SLC5A12: variants seen among roughly 807,000 people sequenced by gnomAD.
SLC5A12 encodes the protein sodium-coupled monocarboxylate transporter 2.
In SLC5A12, 46 loss-of-function variants were observed where a neutral mutation model predicts 72.7. That is an observed-to-expected ratio of 0.63 (90% CI 0.50 to 0.81). The LOEUF (loss-of-function observed/expected upper bound fraction) is 0.81. SLC5A12 is among the 30% of genes least tolerant of loss of function. The probability of loss-of-function intolerance (pLI) is 0.00; values close to 1 mark genes in which losing one functional copy is unlikely to be tolerated. For missense variants in SLC5A12, 683 were observed against 740.7 expected (o/e 0.92, Z 0.90); for synonymous variants, 275 against 264.4 (o/e 1.04, Z -0.39).
intron 1 of SLC5A12, among the ~76,000 whole-genome samples, chr11:26,715,125 A>G (rs1210169727): frequency 6.6e-6 from 1 of 152,080 alleles, no homozygotes; most frequent in Non-Finnish European, 1.5e-5. Context: ...CTGAAAGTGG[A>G]TGTTGTATGG....
At chr11:26,695,810 T>A (rs962037239) in intron 8 of SLC5A12, among the ~76,000 whole-genome samples, 1 of 152,164 alleles carries the variant, frequency 6.6e-6, no homozygotes, top group Admixed American at 6.5e-5. Context: ...AGGCTTGTTG[T>A]GATCTGATCC....
chr11:26,716,341 T>A (rs1855349542), intron 1 of SLC5A12: 1 of 152,220 alleles, frequency 6.6e-6, no homozygotes, highest in South Asian at 2.1e-4. Flanking sequence ...TGATCTGTGC[T>A]TCAGGATTCT....
At chr11:26,700,631 A>C (rs1309804013) in intron 6 of SLC5A12, among the ~76,000 whole-genome samples, 1 of 152,098 alleles carries the variant, frequency 6.6e-6, no homozygotes, top group African/African-American at 2.4e-5. Flanking sequence ...CGTAACTGGG[A>C]GATGGGACGT....
At chr11:26,707,717 A>T (rs2133204314) in intron 4 of SLC5A12, among the ~76,000 whole-genome samples, 1 of 152,106 alleles carries the variant, frequency 6.6e-6, no homozygotes, top group Admixed American at 6.6e-5. Context: ...TTAATACCAA[A>T]ATATTTTGTT....
chr11:26,686,757 T>C (rs935474160), intron 9 of SLC5A12, among the ~76,000 whole-genome samples: 4 of 152,154 alleles, frequency 2.6e-5, no homozygotes, highest in Admixed American at 2.0e-4. Flanking sequence ...TGCTTCCTCA[T>C]CAGGCGGAAT....
At chr11:26,684,691 T>C (rs188450390) in intron 10 of SLC5A12, among the ~76,000 whole-genome samples, 3 of 152,256 alleles carry the variant, frequency 2.0e-5, no homozygotes, top group African/African-American at 7.2e-5. Flanking sequence ...ACTACAAGAA[T>C]TGTTTTCCAC....
chr11:26,673,745 G>C (rs1185768118), intron 13 of SLC5A12, among the ~76,000 whole-genome samples: 1 of 152,146 alleles, frequency 6.6e-6, no homozygotes, highest in Non-Finnish European at 1.5e-5. Context: ...ACTCATGACT[G>C]TAGAGTTAAA....
intron 6 of SLC5A12, among the ~76,000 whole-genome samples, chr11:26,702,558 AT>A (rs1285183380): frequency 6.6e-6 from 1 of 152,136 alleles, no homozygotes; most frequent in Non-Finnish European, 1.5e-5. Flanking sequence ...GTTCTGGCTT[AT>A]TTCTGCCAGT....
intron 9 of SLC5A12, chr11:26,692,173 G>C (rs1854694402): frequency 5.1e-6 from 1 of 194,190 alleles, no homozygotes; most frequent in African/African-American, 2.3e-5. Context: ...TTACGAATTT[G>C]TGTTGGGCTG....
intron 8 of SLC5A12, among the ~76,000 whole-genome samples, chr11:26,692,997 T>G (rs565349629): frequency 2.6e-5 from 4 of 152,316 alleles, no homozygotes; most frequent in Non-Finnish European, 5.9e-5. Flanking sequence ...AGCCTGCCAC[T>G]CATTAATTAT....
At chr11:26,699,273 C>G (rs1854902062) in intron 6 of SLC5A12, among the ~76,000 whole-genome samples, 1 of 152,196 alleles carries the variant, frequency 6.6e-6, no homozygotes, top group Admixed American at 6.5e-5. Flanking sequence ...TAAACAACCT[C>G]ACTGTGGAGA....
At chr11:26,711,253 G>C (rs922529869) in intron 3 of SLC5A12, 54 bp downstream of exon 3, 31 of 1,396,936 alleles carry the variant, frequency 2.2e-5, no homozygotes, top group Non-Finnish European at 3.1e-5. Flanking sequence ...TCTGCAAGGT[G>C]AGAATTCAGG....
chr11:26,684,436 G>A (rs1854481541), intron 10 of SLC5A12, among the ~76,000 whole-genome samples: 1 of 152,080 alleles, frequency 6.6e-6, no homozygotes, highest in South Asian at 2.1e-4. Context: ...TGATTACATA[G>A]GAGAGTCAAT....
intron 13 of SLC5A12, among the ~76,000 whole-genome samples, 188 bp from the exon 14 acceptor site, chr11:26,673,717 A>G (rs1454890526): frequency 6.6e-6 from 1 of 152,182 alleles, no homozygotes; most frequent in Non-Finnish European, 1.5e-5. Context: ...AACATCAACA[A>G]ATTGTCAGGT....
In SLC5A12 at chr11:26,667,478, T is replaced by C. The variant is rs1854024466; in HGVS notation, c.*3624A>G. On this transcript the variant is annotated 3_prime_UTR_variant, in exon 15 of 15. Transcript: ENST00000396005. Reference sequence around the variant, plus strand: ...GGTGTAACCCTATAAAGCCACAAAATAGTAAAGTTCATTTTTAGCAAATAC... The same window carrying C: ...GGTGTAACCCTATAAAGCCACAAAACAGTAAAGTTCATTTTTAGCAAATAC... The C allele has an allele frequency of 6.6e-6, 1 of 151,950 alleles. No homozygotes were observed. Among genetic ancestry groups the C allele is most frequent in the South Asian group, 2.1e-4 (1 of 4,826 alleles). 9.4% of individuals were successfully genotyped at this position (151,950 alleles called of 1,614,324 possible).
intron 1 of SLC5A12, among the ~76,000 whole-genome samples, chr11:26,719,189 T>C (rs1855421823): frequency 6.6e-6 from 1 of 152,322 alleles, no homozygotes; most frequent in East Asian, 1.9e-4. Context: ...TAAGACAGTG[T>C]TTTTATTTCA....
chr11:26,686,641 C>T, intron 9 of SLC5A12, 97 bp from the exon 10 acceptor site: 1 of 1,094,594 alleles, frequency 9.1e-7, no homozygotes. Flanking sequence ...TGATCCAAGC[C>T]CTTTGCAAAG....
chr11:26,719,275 A>G (rs1447282304), intron 1 of SLC5A12, among the ~76,000 whole-genome samples: 2 of 152,200 alleles, frequency 1.3e-5, no homozygotes, highest in African/African-American at 4.8e-5. Context: ...CACTAAGGTA[A>G]TACTAATATG....
In SLC5A12 at chr11:26,678,780, T is replaced by A. The variant is rs1854324183; in HGVS notation, c.1511A>T (p.Tyr504Phe). The A allele has an allele frequency of 1.2e-6, 2 of 1,613,236 alleles. No individual in the cohort carries two copies. Among genetic ancestry groups the A allele is most frequent in the Non-Finnish European group, 1.7e-6 (2 of 1,179,520 alleles). The change falls in exon 13 of 15, where the codon TAC becomes TTC. Residue 504 changes from tyrosine to phenylalanine, a missense_variant. By Grantham distance (22) the Tyr-to-Phe change is conservative. Coordinates refer to ENST00000396005, the MANE Select transcript of SLC5A12 (RefSeq NM_178498.4). ...GIADTWYSIS[Y>F]LYYSAVGCLG... Reference sequence around the variant, plus strand: ...GCAGCCCACTGCACTGTAGTAAAGGTAGGAGATCGAGTACCAGGTATCAGC... The same window carrying A: ...GCAGCCCACTGCACTGTAGTAAAGGAAGGAGATCGAGTACCAGGTATCAGC...
Sources: gnomAD v4.1 joint callset for allele counts (sites outside exome capture counted in the v4.1 genomes callset) on GRCh38, gnomAD v4.1.1 for gene constraint, MANE v1.5 for transcripts, NCBI Gene and HGNC (gene_info 2026-07-23, HGNC 2026-07-21) for gene names.